GNG2: variants seen among roughly 807,000 people sequenced by gnomAD.
GNG2 encodes G protein subunit gamma 2.
GNG2 carries 5 observed loss-of-function variants against 5.5 expected under a neutral mutation model. That is an observed-to-expected ratio of 0.91 (90% CI 0.48 to 1.92). The LOEUF is 1.92. Ranked by LOEUF, GNG2 falls within the 30% of genes most tolerant of loss-of-function variation. The probability of loss-of-function intolerance (pLI) is 0.01; values close to 1 mark genes in which losing one functional copy is unlikely to be tolerated. For missense variants in GNG2, 55 were observed against 88.4 expected, an observed-to-expected ratio of 0.62 and a Z score of 1.52; for synonymous variants, 28 against 32.0, an observed-to-expected ratio of 0.88 and a Z score of 0.42.
intron 2 of GNG2, among the ~76,000 whole-genome samples, chr14:51,905,776 T>C (rs148074841): frequency 2.6e-4 from 39 of 152,186 alleles, no homozygotes; most frequent in African/African-American, 8.4e-4. Context: ...GTTTCCCCCA[T>C]CCTGTTGTTA....
intron 2 of GNG2, among the ~76,000 whole-genome samples, chr14:51,883,820 T>C (rs907285125): frequency 1.3e-5 from 2 of 152,184 alleles, no homozygotes. Context: ...CTATATACTG[T>C]ATACTATAAC....
intron 3 of GNG2, among the ~76,000 whole-genome samples, chr14:51,956,887 A>G (rs1486892517): frequency 1.3e-5 from 2 of 152,080 alleles, no homozygotes; most frequent in African/African-American, 4.8e-5. Context: ...TTTTATCCTT[A>G]CTGACAACTG....
At chr14:51,871,704 G>T (rs1161145328) in intron 1 of GNG2, among the ~76,000 whole-genome samples, 2 of 152,164 alleles carry the variant, frequency 1.3e-5, no homozygotes, top group Admixed American at 1.3e-4. Context: ...CAAGGGATTT[G>T]CACCAAATTC....
rs1184002462 is a variant in GNG2, at chr14:51,967,402, T to A, written c.*715T>A. On this transcript the variant is annotated 3_prime_UTR_variant, in exon 4 of 4. Coordinates refer to ENST00000556766, the MANE Select transcript of GNG2 (RefSeq NM_053064.5). ...CTTTGATTCTGCAAGTAAAAGTAAA[T>A]CCTGTGTTGTGACTGGTGCTTTCAT... The A allele has an allele frequency of 6.6e-6, 1 of 152,152 alleles. No individual in the cohort carries two copies. Among genetic ancestry groups the A allele is most frequent in the South Asian group, 2.1e-4 (1 of 4,824 alleles). The allele number at this position is 152,152 out of a possible 1,614,324, so 9.4% of individuals were successfully genotyped here. A position where few individuals can be genotyped will look rare whatever the true frequency, so the allele number is the denominator to read the frequency against.
At chr14:51,960,951 A>G (rs553964851) in intron 3 of GNG2, among the ~76,000 whole-genome samples, 2 of 152,248 alleles carry the variant, frequency 1.3e-5, no homozygotes, top group Admixed American at 1.3e-4. Context: ...GCTCAAGATG[A>G]ATCCTCCAGA....
chr14:51,834,449 G>A lies in GNG2; in HGVS notation c.64+6642G>A, dbSNP rs140420570. On this transcript the variant is annotated intron_variant, in intron 2 of 3. Coordinates refer to the GNG2 transcript ENST00000553432. ...TTGGTGACAGAAAACAGAGCTTGTCGACCAGCTGGGAGACAAGTGTCAAGT... is the reference window on the plus strand; with the variant it reads ...TTGGTGACAGAAAACAGAGCTTGTCAACCAGCTGGGAGACAAGTGTCAAGT... Among the ~76,000 whole-genome samples, 6 of 152,284 alleles carry A rather than the reference G, an allele frequency of 3.9e-5. No homozygotes were observed. The South Asian group carries it at 1.0e-3, about 26-fold the overall frequency.
At position 51,954,271 on chromosome 14, in the gene GNG2, GA is replaced by G. The variant is rs1889149501; in HGVS notation, c.87+3507del. ...CAGCCTCTTTGTATTTCTTTGTTAG[GA>G]TTTCATTCAAGGACAGAGGGTAAAG... On this transcript the variant is annotated intron_variant, in intron 3 of 3. Coordinates refer to ENST00000556766, the MANE Select transcript of GNG2 (RefSeq NM_053064.5). 2.6e-5 allele frequency among the ~76,000 whole-genome samples: 4 copies of G among 152,054 alleles called. No individual in the cohort carries two copies. In the South Asian group the frequency reaches 8.3e-4, roughly 32 times the overall value.
chr14:51,906,757 C>CTTTTTTTTTTTTTTTTTTTTTTTTTTT lies in GNG2; in HGVS notation c.-30+29116_-30+29117insTTTTTTTTTTTTTTTTTTTTTTTTTTT, dbSNP rs34240079. ...TTGCATGCAGCCTGCTGGAGAATCT[C>CTTTTTTTTTTTTTTTTTTTTTTTTTTT]TTTTTTTTTTTTTTTTGAGACGGAG... On this transcript the variant is annotated intron_variant, in intron 2 of 3. Transcript: ENST00000556766. Among the ~76,000 whole-genome samples the CTTTTTTTTTTTTTTTTTTTTTTTTTTT allele has an allele frequency of 3.8e-5, 4 of 105,304 alleles. 1 individual carries two copies. Among genetic ancestry groups the CTTTTTTTTTTTTTTTTTTTTTTTTTTT allele is most frequent in the African/African-American group, 1.5e-4 (4 of 27,028 alleles). 69.1% of individuals were successfully genotyped at this position (105,304 alleles called of 152,430 possible). A position where few individuals can be genotyped will look rare whatever the true frequency, so the allele number is the denominator to read the frequency against.
In GNG2 at chr14:51,863,655, A is replaced by G. The variant is rs993384287; in HGVS notation, c.-71+2865A>G. 3.1e-4 allele frequency among the ~76,000 whole-genome samples: 47 copies of G among 151,938 alleles called. 1 individual carries two copies. Among genetic ancestry groups the G allele is most frequent in the Non-Finnish European group, 2.5e-4 (17 of 67,962 alleles). ...AACTGTCTTTATCTTGCAAAACTGA[A>G]ATTCTATACCCATTAATCAATACCT... On this transcript the variant is annotated intron_variant, in intron 1 of 3. Coordinates refer to ENST00000556766, the MANE Select transcript of GNG2 (RefSeq NM_053064.5).
intron 2 of GNG2, among the ~76,000 whole-genome samples, chr14:51,890,887 C>G (rs1233579909): frequency 1.5e-5 from 1 of 67,884 alleles, no homozygotes; most frequent in Non-Finnish European, 3.0e-5. Flanking sequence ...ATGTTTATTT[C>G]ATATACACAT....
intron 3 of GNG2, among the ~76,000 whole-genome samples, chr14:51,956,433 T>C (rs1411133012): frequency 2.0e-5 from 3 of 152,106 alleles, no homozygotes; most frequent in Non-Finnish European, 2.9e-5. Context: ...AGTATCAGAA[T>C]TGAATTAAAT....
At chr14:51,909,837 G>A (rs916083887) in intron 2 of GNG2, among the ~76,000 whole-genome samples, 1 of 152,206 alleles carries the variant, frequency 6.6e-6, no homozygotes, top group Non-Finnish European at 1.5e-5. Context: ...GCTTCTTGCA[G>A]TTCTTCCCAA....
At chr14:51,948,241 T>C (rs1052130195) in intron 2 of GNG2, among the ~76,000 whole-genome samples, 1 of 152,090 alleles carries the variant, frequency 6.6e-6, no homozygotes, top group Admixed American at 6.5e-5. Flanking sequence ...GTTCTTGTGG[T>C]CTCCACTAAG....
At chr14:51,836,677 C>T (rs993648772) in intron 2 of GNG2, among the ~76,000 whole-genome samples, 2 of 151,830 alleles carry the variant, frequency 1.3e-5, no homozygotes, top group East Asian at 1.9e-4. Flanking sequence ...CCTTCCCCTA[C>T]TCCATTCTCC....
intron 2 of GNG2, among the ~76,000 whole-genome samples, chr14:51,926,098 C>T (rs770723296): frequency 1.1e-4 from 17 of 151,732 alleles, no homozygotes; most frequent in African/African-American, 2.4e-4. Flanking sequence ...GACATTGAGA[C>T]GGTAAAGTGT....
At chr14:51,960,995 C>A (rs897894568) in intron 3 of GNG2, among the ~76,000 whole-genome samples, 8 of 152,122 alleles carry the variant, frequency 5.3e-5, no homozygotes, top group African/African-American at 1.9e-4. Context: ...TAGTGTAATT[C>A]TTTCTTCTCT....
intron 1 of GNG2, among the ~76,000 whole-genome samples, chr14:51,868,735 CTA>C (rs1883101195): frequency 1.3e-5 from 2 of 152,320 alleles, no homozygotes; most frequent in Middle Eastern, 3.4e-3. Flanking sequence ...AATCTACAAA[CTA>C]TGTCTTTTTC....
At chr14:51,891,356 G>A (rs898972482) in intron 2 of GNG2, among the ~76,000 whole-genome samples, 4 of 152,192 alleles carry the variant, frequency 2.6e-5, no homozygotes, top group African/African-American at 7.2e-5. Context: ...ATAAAGCTGT[G>A]AAAGCTAGAC....
chr14:51,916,896 G>T (rs1378949827), intron 2 of GNG2, among the ~76,000 whole-genome samples: 3 of 152,338 alleles, frequency 2.0e-5, no homozygotes, highest in Non-Finnish European at 2.9e-5. Flanking sequence ...TGGGATGAAG[G>T]TAGCATTATC....
Sources: allele counts gnomAD v4.1 joint callset (sites outside exome capture counted in the v4.1 genomes callset), GRCh38; gene constraint gnomAD v4.1.1; transcripts MANE v1.5; gene names NCBI Gene and HGNC (gene_info 2026-07-23, HGNC 2026-07-21).